Variants in NKAIN2 observed in about 807,000 individuals in gnomAD.
NKAIN2 encodes sodium/potassium transporting ATPase interacting 2.
A neutral mutation model predicts 32.6 loss-of-function variants in NKAIN2; 14 were observed. That is an observed-to-expected ratio of 0.43 (90% CI 0.28 to 0.67). The LOEUF (loss-of-function observed/expected upper bound fraction) is 0.67. Ranked by LOEUF, NKAIN2 falls within the 30% of genes least tolerant of loss-of-function variation. NKAIN2 has a pLI of 0.17. For synonymous variants in NKAIN2, 80 were observed against 87.2 expected, an observed-to-expected ratio of 0.92 and a Z score of 0.46; for missense variants, 198 against 258.3, an observed-to-expected ratio of 0.77 and a Z score of 1.60.
At chr6:124,384,232 T>A (rs1772784047) in intron 3 of NKAIN2, among the ~76,000 whole-genome samples, 1 of 152,168 alleles carries the variant, frequency 6.6e-6, no homozygotes, top group Admixed American at 6.6e-5. Flanking sequence ...CTTGGTAACC[T>A]TGTTCGCTAT....
At chr6:124,369,563 A>G (rs2114316993) in intron 3 of NKAIN2, among the ~76,000 whole-genome samples, 1 of 152,198 alleles carries the variant, frequency 6.6e-6, no homozygotes, top group East Asian at 1.9e-4. Flanking sequence ...TCAGCTCATC[A>G]GCTATAGTCA....
At chr6:123,945,516 C>G (rs149957344) in intron 1 of NKAIN2, among the ~76,000 whole-genome samples, 1 of 152,072 alleles carries the variant, frequency 6.6e-6, no homozygotes, top group African/African-American at 2.4e-5. Flanking sequence ...CCTTCTTCCT[C>G]AATGACTGAG....
At chr6:124,527,317 A>AC (rs1779357304) in intron 3 of NKAIN2, among the ~76,000 whole-genome samples, 1 of 151,808 alleles carries the variant, frequency 6.6e-6, no homozygotes, top group South Asian at 2.1e-4. Context: ...ATATTATTTC[A>AC]CCCCCTGCCA....
intron 1 of NKAIN2, among the ~76,000 whole-genome samples, chr6:124,055,560 A>G (rs1161975334): frequency 6.6e-6 from 1 of 152,000 alleles, no homozygotes; most frequent in Admixed American, 6.6e-5. Context: ...GAGACTAGAC[A>G]TTTATGAAAA....
intron 1 of NKAIN2, among the ~76,000 whole-genome samples, chr6:124,011,655 A>G (rs1022501988): frequency 6.6e-6 from 1 of 152,148 alleles, no homozygotes; most frequent in Non-Finnish European, 1.5e-5. Context: ...ATTCTTATAG[A>G]ACAACTTTTT....
At chr6:124,358,215 G>A (rs1352020298) in intron 3 of NKAIN2, among the ~76,000 whole-genome samples, 1 of 152,116 alleles carries the variant, frequency 6.6e-6, no homozygotes, top group Non-Finnish European at 1.5e-5. Flanking sequence ...TTGCTATTGT[G>A]AATAGTGCCG....
chr6:123,809,796 AG>A (rs1773377649), intron 1 of NKAIN2, among the ~76,000 whole-genome samples: 2 of 152,134 alleles, frequency 1.3e-5, no homozygotes, highest in South Asian at 4.1e-4. Context: ...ATGCAGGTAT[AG>A]ACTCTTTTTG....
chr6:124,713,455 G>A (rs146628751), intron 4 of NKAIN2, among the ~76,000 whole-genome samples: 226 of 152,264 alleles, frequency 1.5e-3, no homozygotes, highest in African/African-American at 5.1e-3. Context: ...ATCAGTCAAC[G>A]CTGTGCTAAA....
chr6:124,205,766 G>A (rs1790845179), intron 1 of NKAIN2, among the ~76,000 whole-genome samples: 1 of 151,704 alleles, frequency 6.6e-6, no homozygotes. Context: ...GATATCTTAG[G>A]GCTGAAATTT....
Position 124,325,889 on chromosome 6 carries a change from G to A in NKAIN2, c.193-29378G>A, listed in dbSNP as rs1374792474. 2.6e-5 allele frequency among the ~76,000 whole-genome samples: 4 copies of A among 151,962 alleles called. No homozygotes were observed. The East Asian group carries it at 7.7e-4, about 29-fold the overall frequency. On this transcript the variant is annotated intron_variant, in intron 2 of 6. Transcript: ENST00000368417. ...AATGTAAAAAGCAATACTTTTACTA[G>A]CATATGTCTCAATGTTTTTATTTTA...
intron 1 of NKAIN2, among the ~76,000 whole-genome samples, chr6:123,815,247 A>G (rs1032189302): frequency 2.0e-5 from 3 of 152,182 alleles, no homozygotes; most frequent in African/African-American, 7.2e-5. Context: ...GAAGCTAAAC[A>G]TGCTTTACTG....
chr6:123,957,304 A>G (rs1396556348), intron 1 of NKAIN2, among the ~76,000 whole-genome samples: 1 of 152,030 alleles, frequency 6.6e-6, no homozygotes, highest in Non-Finnish European at 1.5e-5. Flanking sequence ...CTGAATCACC[A>G]CCTCTTCTTT....
chr6:124,195,977 A>C (rs1023884198), intron 1 of NKAIN2, among the ~76,000 whole-genome samples: 1 of 152,116 alleles, frequency 6.6e-6, no homozygotes, highest in African/African-American at 2.4e-5. Flanking sequence ...ACATTTAAAA[A>C]AATTTGTACT....
chr6:124,077,869 G>A (rs912887798), intron 1 of NKAIN2, among the ~76,000 whole-genome samples: 1 of 151,764 alleles, frequency 6.6e-6, no homozygotes, highest in South Asian at 2.1e-4. Context: ...CAAAGTGCTG[G>A]GATTACAGGC....
chr6:124,581,947 G>A (rs1230556069), intron 3 of NKAIN2, among the ~76,000 whole-genome samples: 1 of 151,874 alleles, frequency 6.6e-6, no homozygotes, highest in Non-Finnish European at 1.5e-5. Context: ...ACCTAACAAT[G>A]CATCTTAAAT....
At chr6:124,709,020 C>A (rs1324303442) in intron 4 of NKAIN2, among the ~76,000 whole-genome samples, 1 of 135,398 alleles carries the variant, frequency 7.4e-6, no homozygotes, top group African/African-American at 2.9e-5. Context: ...CCCGTCAATA[C>A]CTAATTTATT....
chr6:124,050,460 A>G (rs769556998), intron 1 of NKAIN2, among the ~76,000 whole-genome samples: 1 of 152,000 alleles, frequency 6.6e-6, no homozygotes, highest in African/African-American at 2.4e-5. Context: ...GCTCCTCCCA[A>G]GTCTTAATAT....
At chr6:124,126,945 T>C (rs185408232) in intron 1 of NKAIN2, among the ~76,000 whole-genome samples, 1 of 152,130 alleles carries the variant, frequency 6.6e-6, no homozygotes, top group East Asian at 1.9e-4. Flanking sequence ...TGAGACCCTG[T>C]CTCAAAAAAC....
intron 3 of NKAIN2, among the ~76,000 whole-genome samples, chr6:124,416,903 A>T (rs1029375306): frequency 2.6e-5 from 4 of 152,146 alleles, no homozygotes; most frequent in African/African-American, 4.8e-5. Context: ...AGCATAGGGC[A>T]AGTGGAGATA....
Sources: gnomAD v4.1 joint callset for allele counts (sites outside exome capture counted in the v4.1 genomes callset) on GRCh38, gnomAD v4.1.1 for gene constraint, MANE v1.5 for transcripts, NCBI Gene and HGNC (gene_info 2026-07-23, HGNC 2026-07-21) for gene names.